The following AOX1 variants were observed in gnomAD, a reference collection of about 807,000 sequenced individuals.
AOX1 encodes the protein aldehyde oxidase 1.
AOX1 carries 153 observed loss-of-function variants against 169.5 expected under a neutral mutation model. The ratio of observed to expected loss-of-function variants is 0.90; its 90% CI spans 0.79 to 1.03. The LOEUF (loss-of-function observed/expected upper bound fraction) is 1.03, where lower values mean the gene tolerates loss of function less well. AOX1 is among the 50% of genes least tolerant of loss of function. AOX1 has a pLI of 0.00. For missense variants in AOX1, 1,656 were observed against 1,663.9 expected, an observed-to-expected ratio of 1.00 and a Z score of 0.08; for synonymous variants, 562 against 581.9, an observed-to-expected ratio of 0.97 and a Z score of 0.49.
At chr2:200,615,282 C>T (rs998124640) in intron 15 of AOX1, among the ~76,000 whole-genome samples, 2 of 152,188 alleles carry the variant, frequency 1.3e-5, no homozygotes, top group South Asian at 4.1e-4. Context: ...GCTGGAATTA[C>T]AGGCATGAGC....
At chr2:200,616,326 C>T (rs1346853580) in intron 16 of AOX1, among the ~76,000 whole-genome samples, 2 of 152,254 alleles carry the variant, frequency 1.3e-5, no homozygotes, top group African/African-American at 4.8e-5. Context: ...CCTTGTACCA[C>T]AGACACGCAT....
chr2:200,646,326 A>T (rs185164189), intron 25 of AOX1, among the ~76,000 whole-genome samples: 3 of 152,314 alleles, frequency 2.0e-5, no homozygotes, highest in Non-Finnish European at 4.4e-5. Flanking sequence ...CCCAATGCTC[A>T]TTCAGGAGCA....
chr2:200,676,614 A>AAAAG (rs1553582555), intron 4 of AOX1, among the ~76,000 whole-genome samples: 1,737 of 148,414 alleles, frequency 0.012, 34 homozygotes, highest in African/African-American at 0.042. Context: ...AAAAAAAAAA[A>AAAAG]AAGAAGAAGA....
At chr2:200,592,208 A>G (rs898617344) in intron 1 of AOX1, among the ~76,000 whole-genome samples, 4 of 152,020 alleles carry the variant, frequency 2.6e-5, no homozygotes, top group African/African-American at 9.7e-5. Context: ...TATATTGCGG[A>G]CTCTTCTAGG....
In AOX1 at chr2:200,637,354, A is replaced by G. The variant is rs978634809; in HGVS notation, c.2480+310A>G. Among the ~76,000 whole-genome samples the G allele has an allele frequency of 5.3e-5, 8 of 152,218 alleles. No homozygotes were observed. The East Asian group carries it at 1.5e-3, about 29-fold the overall frequency. ...CTGCTGGACTGAGCTATATATGTAG[A>G]GGTCATATATATGGCTTTTTGAACA... is the stretch of plus-strand genomic sequence containing the variant. On this transcript the variant is annotated intron_variant, in intron 22 of 34. Transcript: ENST00000374700.
chr2:200,595,191 A>G, intron 2 of AOX1, 81 bp from the exon 3 acceptor site: 1 of 961,536 alleles, frequency 1.0e-6, no homozygotes, highest in Non-Finnish European at 1.6e-6. Flanking sequence ...AGAGTCTGTG[A>G]TATTACTGTC....
Position 200,612,652 on chromosome 2 carries a change from A to T in AOX1, c.1307A>T (p.Asn436Ile), listed in dbSNP as rs1163112860. 6.2e-7 allele frequency: 1 copy of T among 1,614,078 alleles called. No homozygotes were observed. The highest frequency in any genetic ancestry group is 8.5e-7 in the Non-Finnish European group (1 of 1,179,988). ...SAFRQAQRQE[N>I]ALAIVNSGMR... ...TTCCGACAAGCCCAGCGACAGGAGAATGCGCTAGCGATAGTCAATTCAGGA... is the reference window on the plus strand; with the variant it reads ...TTCCGACAAGCCCAGCGACAGGAGATTGCGCTAGCGATAGTCAATTCAGGA... The change falls in exon 14 of 35, where the codon AAT becomes ATT. Residue 436 changes from asparagine (N) to isoleucine (I), a missense_variant. Coordinates refer to ENST00000374700, the MANE Select transcript of AOX1 (RefSeq NM_001159.4).
chr2:200,658,335 A>T (rs1166725041), intron 27 of AOX1, among the ~76,000 whole-genome samples: 1 of 152,256 alleles, frequency 6.6e-6, no homozygotes, highest in Non-Finnish European at 1.5e-5. Context: ...TTTTCTGAGT[A>T]TAAAGATGTT....
downstream of AOX1, chr2:200,678,222 TACTTA>T (rs767023727): frequency 5.3e-5 from 8 of 152,266 alleles, no homozygotes; most frequent in Non-Finnish European, 1.0e-4. Flanking sequence ...AGGTCTTGCT[TACTTA>T]ACTTTTCAAA....
At chr2:200,634,738 C>G in intron 20 of AOX1, 53 bp from the exon 21 acceptor site, 1 of 1,607,584 alleles carries the variant, frequency 6.2e-7, no homozygotes, top group South Asian at 1.1e-5. Flanking sequence ...CTGGGGGACG[C>G]TACCTGTTGC....
downstream of AOX1, chr2:200,678,419 G>A (rs750118625): frequency 3.3e-5 from 5 of 152,072 alleles, no homozygotes; most frequent in Non-Finnish European, 5.9e-5. Flanking sequence ...GCAAATTCTT[G>A]TTGGTTATCC....
At chr2:200,625,427 C>T (rs181318840) in intron 19 of AOX1, among the ~76,000 whole-genome samples, 91 of 152,232 alleles carry the variant, frequency 6.0e-4, no homozygotes, top group Non-Finnish European at 1.1e-3. Context: ...GATGCCACTC[C>T]CCCCACCCTC....
At chr2:200,656,096 T>A (rs2105763339) in intron 26 of AOX1, among the ~76,000 whole-genome samples, 1 of 152,350 alleles carries the variant, frequency 6.6e-6, no homozygotes, top group East Asian at 1.9e-4. Context: ...ACTTCCCTGC[T>A]GCAAAACTGT....
Position 200,660,201 on chromosome 2 carries a change from AAAAG to A in AOX1, c.3375+133_3375+136del. ...GTACCACCATTGTGTAATGATAAAT[AAAAG>A]GCCCTTTGGCTCTTAGCATGTGGAA... On this transcript the variant is annotated intron_variant, in intron 29 of 34. Coordinates refer to ENST00000374700, the MANE Select transcript of AOX1 (RefSeq NM_001159.4). 6.9e-6 allele frequency: 5 copies of A among 728,254 alleles called. No individual in the cohort carries two copies. The South Asian group carries it at 9.0e-5, about 13-fold the overall frequency. The allele number at this position is 728,254 out of a possible 1,614,324, so 45.1% of individuals were successfully genotyped here.
At chr2:200,590,094 T>A (rs1553564757) in intron 1 of AOX1, among the ~76,000 whole-genome samples, 1 of 152,090 alleles carries the variant, frequency 6.6e-6, no homozygotes, top group Non-Finnish European at 1.5e-5. Flanking sequence ...CTTTCTTTCC[T>A]CCTCTTCTAC....
intron 24 of AOX1, among the ~76,000 whole-genome samples, chr2:200,641,471 T>G (rs1367734476): frequency 6.6e-6 from 1 of 152,032 alleles, no homozygotes. Flanking sequence ...CATTTTGGAG[T>G]GTGTAGCTCT....
intron 15 of AOX1, among the ~76,000 whole-genome samples, chr2:200,614,597 A>G (rs984144638): frequency 6.6e-6 from 1 of 152,214 alleles, no homozygotes; most frequent in Non-Finnish European, 1.5e-5. Flanking sequence ...TTCTCTGAAT[A>G]AATCCATTAG....
chr2:200,656,402 G>A (rs1023995826), intron 26 of AOX1, among the ~76,000 whole-genome samples: 9 of 152,126 alleles, frequency 5.9e-5, no homozygotes, highest in Non-Finnish European at 8.8e-5. Flanking sequence ...GATCCTTGTG[G>A]GGAGCTATAC....
intron 26 of AOX1, among the ~76,000 whole-genome samples, chr2:200,653,817 C>G (rs2035626773): frequency 6.6e-6 from 1 of 152,188 alleles, no homozygotes; most frequent in South Asian, 2.1e-4. Context: ...CTCTTTGTCA[C>G]CTTTTGGTAA....
Sources: gnomAD v4.1 joint callset for allele counts (sites outside exome capture counted in the v4.1 genomes callset) on GRCh38, gnomAD v4.1.1 for gene constraint, MANE v1.5 for transcripts, NCBI Gene and HGNC (gene_info 2026-07-23, HGNC 2026-07-21) for gene names.